The following GCC2 variants were observed in gnomAD, a reference collection of about 807,000 sequenced individuals.
The protein encoded by GCC2 is GRIP and coiled-coil domain-containing protein 2.
Under a neutral mutation model 210.6 loss-of-function variants are expected in GCC2, and 120 were observed. The ratio of observed to expected loss-of-function variants is 0.57; its 90% CI spans 0.49 to 0.66. The LOEUF is 0.66. Among genes scored for constraint, GCC2 ranks in the 30% least tolerant of loss-of-function variants. GCC2 has a pLI of 0.00. For missense variants in GCC2, 1,868 were observed against 1,871.9 expected, an observed-to-expected ratio of 1.00 and a Z score of 0.04; for synonymous variants, 703 against 652.7, an observed-to-expected ratio of 1.08 and a Z score of -1.17.
intron 4 of GCC2, among the ~76,000 whole-genome samples, chr2:108,461,441 C>T (rs1680565680): frequency 1.3e-5 from 2 of 152,144 alleles, no homozygotes; most frequent in Non-Finnish European, 1.5e-5. Context: ...ACCTCTCTTG[C>T]TAGACTTGGT....
At chr2:108,461,083 T>C (rs1680545247) in intron 4 of GCC2, among the ~76,000 whole-genome samples, 1 of 152,242 alleles carries the variant, frequency 6.6e-6, no homozygotes, top group Non-Finnish European at 1.5e-5. Flanking sequence ...CAGATAGTTC[T>C]TTACAGCAGT....
In GCC2 at chr2:108,484,293, A is replaced by C; in HGVS notation, c.3595A>C (p.Thr1199Pro). 6.6e-7 allele frequency: 1 copy of C among 1,519,476 alleles called. No individual in the cohort carries two copies. Among genetic ancestry groups the C allele is most frequent in the South Asian group, 1.2e-5 (1 of 81,660 alleles). 94.1% of individuals were successfully genotyped at this position (1,519,476 alleles called of 1,614,324 possible). A position where few individuals can be genotyped will look rare whatever the true frequency, so the allele number is the denominator to read the frequency against. Residue 1199 changes from threonine to proline, a missense_variant, in exon 13 of 23, where the codon ACC (threonine) becomes CCC (proline). Coordinates refer to ENST00000309863, the MANE Select transcript of GCC2 (RefSeq NM_181453.4). ...EIKIQKQKQE[T>P]LQEEITSLQS... ...AAAAATTCAAAAACAGAAACAAGAA[A>C]CCCTACAAGAAGAAATAAGTGAGTT...
At chr2:108,485,432 G>A (rs532257881) in intron 13 of GCC2, among the ~76,000 whole-genome samples, 1 of 152,162 alleles carries the variant, frequency 6.6e-6, no homozygotes, top group South Asian at 2.1e-4. Flanking sequence ...TTGTCTATGG[G>A]TTGTAATTGT....
At chr2:108,450,182 T>G (rs1175848244) in intron 2 of GCC2, among the ~76,000 whole-genome samples, 3 of 152,212 alleles carry the variant, frequency 2.0e-5, no homozygotes, top group Admixed American at 2.0e-4. Flanking sequence ...GTTCCTTCGT[T>G]TAAGCTTCAT....
rs140771660 is a variant in GCC2, at chr2:108,459,252, G to A, written c.216+6786G>A. On this transcript the variant is annotated intron_variant, in intron 4 of 22. Coordinates refer to ENST00000309863, the MANE Select transcript of GCC2 (RefSeq NM_181453.4). ...TTTCCTTATTGACCCATGGTCATTT[G>A]AGACCATGTTATTTAATTTTCATGT... 1.5e-4 allele frequency among the ~76,000 whole-genome samples: 23 copies of A among 152,162 alleles called. No homozygotes were observed. The East Asian group carries it at 4.4e-3, about 29-fold the overall frequency.
intron 4 of GCC2, among the ~76,000 whole-genome samples, chr2:108,453,056 C>A (rs916187968): frequency 5.9e-5 from 9 of 152,202 alleles, no homozygotes; most frequent in African/African-American, 2.2e-4. Context: ...AAAACCTGGC[C>A]ATGCTCAGGA....
intron 19 of GCC2, chr2:108,494,664 A>G (rs1682557786): frequency 6.6e-6 from 1 of 152,216 alleles, no homozygotes; most frequent in Non-Finnish European, 1.5e-5. Context: ...ATTTAGCAGT[A>G]GTTTGGCCCT....
chr2:108,470,082 G>T lies in GCC2; in HGVS notation c.753G>T (p.Glu251Asp). The T allele has an allele frequency of 6.2e-7, 1 of 1,613,688 alleles. No homozygotes were observed. Among genetic ancestry groups the T allele is most frequent in the Non-Finnish European group, 8.5e-7 (1 of 1,179,728 alleles). Reference sequence around the variant, plus strand: ...AGTTGAAAGCTATACACCAAGAAGAGGTGAAAGAGTTGATGTGCCAGATTG... The same window carrying T: ...AGTTGAAAGCTATACACCAAGAAGATGTGAAAGAGTTGATGTGCCAGATTG... ...LLQLKAIHQE[E>D]VKELMCQIEA... Residue 251 changes from glutamate to aspartate, a missense_variant, in exon 6 of 23, where the codon GAG (glutamate) becomes GAT (aspartate). Transcript: ENST00000309863.
At chr2:108,463,466 A>G (rs1344786976) in intron 4 of GCC2, among the ~76,000 whole-genome samples, 1 of 152,166 alleles carries the variant, frequency 6.6e-6, no homozygotes, top group Non-Finnish European at 1.5e-5. Flanking sequence ...ATTTGGCTGT[A>G]AACAGCATCA....
At chr2:108,459,650 T>A (rs1053772752) in intron 4 of GCC2, among the ~76,000 whole-genome samples, 1 of 151,440 alleles carries the variant, frequency 6.6e-6, no homozygotes, top group Non-Finnish European at 1.5e-5. Context: ...GCTTTAGGAA[T>A]CTGGGTGCTC....
At chr2:108,455,520 ATTATAT>A (rs931853997) in intron 4 of GCC2, among the ~76,000 whole-genome samples, 1 of 150,830 alleles carries the variant, frequency 6.6e-6, no homozygotes, top group African/African-American at 2.4e-5. Context: ...TTCCTGATCC[ATTATAT>A]TTATACGTAT....
chr2:108,478,298 CTT>C (rs1446971837), intron 9 of GCC2, among the ~76,000 whole-genome samples: 3 of 151,946 alleles, frequency 2.0e-5, no homozygotes, highest in African/African-American at 7.3e-5. Context: ...GTAATATAAA[CTT>C]ACGTATAAAA....
At chr2:108,459,300 C>G (rs1200824444) in intron 4 of GCC2, among the ~76,000 whole-genome samples, 1 of 152,026 alleles carries the variant, frequency 6.6e-6, no homozygotes, top group Non-Finnish European at 1.5e-5. Flanking sequence ...TCCAAAGTTC[C>G]CCTTGATACT....
intron 9 of GCC2, among the ~76,000 whole-genome samples, chr2:108,479,619 C>T (rs1187920838): frequency 6.6e-6 from 1 of 151,146 alleles, no homozygotes; most frequent in Admixed American, 6.6e-5. Context: ...CCAGCCTGGG[C>T]GACAGAGCAA....
At position 108,507,770 on chromosome 2, in the gene GCC2, T is replaced by G; in HGVS notation, c.*140T>G. Reference sequence around the variant, plus strand: ...TATTTGTACATCTATATGACAGATGTATTTTAAAAGTTTCATCTTGAAGTA... The same window carrying G: ...TATTTGTACATCTATATGACAGATGGATTTTAAAAGTTTCATCTTGAAGTA... On this transcript the variant is annotated 3_prime_UTR_variant, in exon 23 of 23. Transcript: ENST00000309863. 1.6e-6 allele frequency: 1 copy of G among 627,558 alleles called. No homozygotes were observed. Among genetic ancestry groups the G allele is most frequent in the Non-Finnish European group, 2.8e-6 (1 of 362,842 alleles). 38.9% of individuals were successfully genotyped at this position (627,558 alleles called of 1,614,324 possible). A position where few individuals can be genotyped will look rare whatever the true frequency, so the allele number is the denominator to read the frequency against.
chr2:108,472,973 T>TA (rs1181109050), intron 7 of GCC2, 74 bp downstream of exon 7: 1 of 825,070 alleles, frequency 1.2e-6, no homozygotes, highest in Non-Finnish European at 1.9e-6. Context: ...GATTGGGAAA[T>TA]ATAGTAGCCA....
rs1015101298 is a variant in GCC2, at chr2:108,498,776, TTTGA to T, written c.4783-774_4783-771del. Among the ~76,000 whole-genome samples, 578 of 152,086 alleles carry T rather than the reference TTTGA, an allele frequency of 3.8e-3. 3 individuals are homozygous for T. Among genetic ancestry groups the T allele is most frequent in the African/African-American group, 0.013 (549 of 41,496 alleles). On this transcript the variant is annotated intron_variant, in intron 21 of 22. Coordinates refer to ENST00000309863, the MANE Select transcript of GCC2 (RefSeq NM_181453.4). ...ATTTTCACTGTGTCTGAACTTTTGT[TTTGA>T]TTAAGTGCCGTTCACTGTGGACGTC... is the stretch of plus-strand genomic sequence containing the variant.
At chr2:108,489,072 A>T (rs1454707615) in intron 17 of GCC2, among the ~76,000 whole-genome samples, 4 of 152,232 alleles carry the variant, frequency 2.6e-5, no homozygotes, top group Non-Finnish European at 5.9e-5. Flanking sequence ...AAAGAAACTA[A>T]TAGTGTATTG....
intron 4 of GCC2, among the ~76,000 whole-genome samples, chr2:108,460,400 C>T (rs2139807): frequency 0.61 from 92,433 of 151,930 alleles, 28,795 homozygotes; most frequent in East Asian, 0.96. Context: ...GTCATATTAA[C>T]GGTTTTCTGG....
Sources: allele counts gnomAD v4.1 joint callset (sites outside exome capture counted in the v4.1 genomes callset), GRCh38; gene constraint gnomAD v4.1.1; transcripts MANE v1.5; gene names NCBI Gene and HGNC (gene_info 2026-07-23, HGNC 2026-07-21).